Variants in MAP7D2 observed in about 807,000 individuals in gnomAD.
MAP7D2 encodes the protein MAP7 domain containing 2, also known as MAP7 domain-containing protein 2.
Under a neutral mutation model 63.5 loss-of-function variants are expected in MAP7D2, and 33 were observed. The ratio of observed to expected loss-of-function variants is 0.52; its 90% CI spans 0.39 to 0.70. The LOEUF (loss-of-function observed/expected upper bound fraction) is 0.70, where lower values mean the gene tolerates loss of function less well. Among genes scored for constraint, MAP7D2 ranks in the 30% least tolerant of loss-of-function variants. The pLI is 0.00. For missense variants in MAP7D2, 626 were observed against 604.0 expected, an observed-to-expected ratio of 1.04 and a Z score of -0.38; for synonymous variants, 224 against 223.7, an observed-to-expected ratio of 1.00 and a Z score of -0.01.
chrX:20,091,407 C>T (rs888943379), intron 1 of MAP7D2, among the ~76,000 whole-genome samples: 7 of 108,182 alleles, frequency 6.5e-5, no homozygotes, highest in African/African-American at 2.3e-4. Context: ...TGGTGGCTCA[C>T]GCCTGTAATC....
At position 20,016,260 on chromosome X, in the gene MAP7D2, C is replaced by T; in HGVS notation, c.1478G>A (p.Arg493Gln). The change falls in exon 11 of 17, where the codon CGA (arginine) becomes CAA (glutamine). Residue 493 changes from arginine to glutamine, a missense_variant. Transcript: ENST00000379643. ...CCGCTTCCTTTCTTCTTCCTGCTTTCGGGCTTCCTCTTCTAGGCGAAGCCT... is the reference window on the plus strand; with the variant it reads ...CCGCTTCCTTTCTTCTTCCTGCTTTTGGGCTTCCTCTTCTAGGCGAAGCCT... Reference protein sequence around the residue: ...EERLRLEEEARKQEEERKRQE... With the variant: ...EERLRLEEEAQKQEEERKRQE... 3 of 1,210,835 alleles carry T rather than the reference C, an allele frequency of 2.5e-6. No homozygotes were observed. Among genetic ancestry groups the T allele is most frequent in the Non-Finnish European group, 3.4e-6 (3 of 895,060 alleles).
intron 1 of MAP7D2, among the ~76,000 whole-genome samples, chrX:20,110,916 T>G (rs772245922): frequency 5.4e-5 from 6 of 111,320 alleles, no homozygotes; most frequent in Non-Finnish European, 7.5e-5. Flanking sequence ...GGAGTCTATT[T>G]CCTCTCCCCT....
chrX:20,081,579 C>A (rs910685918), intron 1 of MAP7D2, among the ~76,000 whole-genome samples: 1 of 111,858 alleles, frequency 8.9e-6, no homozygotes, highest in African/African-American at 3.3e-5. Flanking sequence ...ACCCTTCAGA[C>A]CCCTTCCCTG....
intron 1 of MAP7D2, among the ~76,000 whole-genome samples, chrX:20,114,734 G>C (rs930424627): frequency 1.8e-5 from 2 of 112,142 alleles, no homozygotes; most frequent in African/African-American, 6.5e-5. Flanking sequence ...TTGTTGGACA[G>C]CCTAAACATC....
chrX:20,106,148 T>C (rs2066560242), intron 1 of MAP7D2, among the ~76,000 whole-genome samples: 1 of 112,431 alleles, frequency 8.9e-6, no homozygotes, highest in Non-Finnish European at 1.9e-5. Flanking sequence ...ATGGCAATTT[T>C]GACATGAGTT....
chrX:20,062,700 G>A (rs1220362212), intron 3 of MAP7D2, among the ~76,000 whole-genome samples: 1 of 111,362 alleles, frequency 9.0e-6, no homozygotes, highest in Non-Finnish European at 1.9e-5. Flanking sequence ...AAATATAATC[G>A]TGAAGAAAAT....
At chrX:20,099,149 C>G (rs1339277029) in intron 1 of MAP7D2, among the ~76,000 whole-genome samples, 1 of 112,301 alleles carries the variant, frequency 8.9e-6, no homozygotes, top group Non-Finnish European at 1.9e-5. Context: ...CAAAGACCGA[C>G]TCCCTTTTGA....
chrX:20,056,486 A>G (rs1235185734), intron 4 of MAP7D2, among the ~76,000 whole-genome samples, 194 bp downstream of exon 4: 1 of 112,111 alleles, frequency 8.9e-6, no homozygotes, highest in Non-Finnish European at 1.9e-5. Flanking sequence ...AGAAGAATGC[A>G]CAGATCCCCT....
rs770372208 is a variant in MAP7D2, at chrX:20,025,034, C to G, written c.1329G>C (p.Lys443Asn). The change falls in exon 10 of 17, where the codon AAG becomes AAC. Residue 443 changes from lysine to asparagine, a missense_variant. Transcript: ENST00000379643. ...CCTGTCTTCTCTTTTCAGCCAAGAT[C>G]TTCGCAGCCTCTCCTGCATCAGTGG... ...AGTTDAGEAA[K>N]ILAEKRRQAR... 3.6e-5 allele frequency: 44 copies of G among 1,209,767 alleles called. No homozygotes were observed. The highest frequency in any genetic ancestry group is 4.9e-5 in the Non-Finnish European group (44 of 895,064).
chrX:20,052,969 T>G lies in MAP7D2; in HGVS notation c.504A>C (p.Thr168=). 1 of 1,206,928 alleles carries G rather than the reference T, an allele frequency of 8.3e-7. No homozygotes were observed. ...GGHDACDKLS[T]STMSLPKPTE... is the part of the protein sequence containing the mutation. ...TTGGCTTTGGCAAACTCATAGTTGA[T>G]GTTGAAAGTTTGTCACATGCTGCAG... The change falls in exon 5 of 17, where the codon ACA becomes ACC. Residue 168 remains threonine (T), a synonymous_variant. Coordinates refer to ENST00000379643, the MANE Select transcript of MAP7D2 (RefSeq NM_001168465.2).
intron 1 of MAP7D2, among the ~76,000 whole-genome samples, chrX:20,113,479 C>T (rs1329668186): frequency 4.5e-5 from 5 of 111,600 alleles, no homozygotes; most frequent in African/African-American, 1.6e-4. Context: ...CTCCTGACCT[C>T]GTGATCCGCC....
intron 6 of MAP7D2, 56 bp from the exon 7 acceptor site, chrX:20,044,580 G>A: frequency 9.3e-7 from 1 of 1,071,469 alleles, no homozygotes; most frequent in Non-Finnish European, 1.3e-6. Context: ...GGAAAAAGTA[G>A]AGCAGAGAGT....
At chrX:20,116,089 C>A (rs970829868) in intron 1 of MAP7D2, among the ~76,000 whole-genome samples, 2 of 113,037 alleles carry the variant, frequency 1.8e-5, no homozygotes, top group Non-Finnish European at 3.8e-5. Flanking sequence ...CCAGCATCGG[C>A]AGCCTCGAGG....
chrX:20,072,547 G>A (rs1405214880), intron 1 of MAP7D2, among the ~76,000 whole-genome samples: 1 of 111,624 alleles, frequency 9.0e-6, no homozygotes, highest in African/African-American at 3.3e-5. Flanking sequence ...AGTTCATGAA[G>A]GGGAAGCAGT....
chrX:20,043,630 G>C (rs2064719357), intron 7 of MAP7D2, among the ~76,000 whole-genome samples: 3 of 112,365 alleles, frequency 2.7e-5, no homozygotes, highest in African/African-American at 9.7e-5. Context: ...CCTTGTACCA[G>C]AACCACTAAG....
intron 1 of MAP7D2, among the ~76,000 whole-genome samples, chrX:20,094,318 G>A (rs866617667): frequency 9.7e-6 from 1 of 102,948 alleles, no homozygotes; most frequent in Non-Finnish European, 2.0e-5. Context: ...CATTTGTGAG[G>A]TTCTTCAACA....
intron 4 of MAP7D2, 54 bp downstream of exon 4, chrX:20,056,626 T>G (rs146948371): frequency 9.7e-7 from 1 of 1,028,133 alleles, no homozygotes; most frequent in Non-Finnish European, 1.4e-6. Context: ...ATCCCCTGCC[T>G]GCTCCATTAT....
chrX:20,042,512 C>A lies in MAP7D2; in HGVS notation c.997G>T (p.Val333Leu), dbSNP rs1163250916. The change falls in exon 8 of 17, where the codon GTG (valine) becomes TTG (leucine). Residue 333 changes from valine (V) to leucine (L), a missense_variant. Transcript: ENST00000379643. ...GGIPKRPSSP[V>L]ISKTATKAYP... ...GGGAGAGATGCTTACTTGGATATCA[C>A]AGGAGAAGATGGTCTCTTAGGAATG... 7 of 1,209,487 alleles carry A rather than the reference C, an allele frequency of 5.8e-6. No individual in the cohort carries two copies. The highest frequency in any genetic ancestry group is 7.8e-6 in the Non-Finnish European group (7 of 894,815).
intron 8 of MAP7D2, among the ~76,000 whole-genome samples, chrX:20,036,874 A>G (rs1455217195): frequency 1.1e-5 from 1 of 92,094 alleles, no homozygotes; most frequent in African/African-American, 4.1e-5. Context: ...ACTGCACTCC[A>G]GCCTGGGTGA....
Sources: gnomAD v4.1 joint callset for allele counts (sites outside exome capture counted in the v4.1 genomes callset) on GRCh38, gnomAD v4.1.1 for gene constraint, MANE v1.5 for transcripts, NCBI Gene and HGNC (gene_info 2026-07-23, HGNC 2026-07-21) for gene names.